GTF2A1L: variants seen among roughly 807,000 people sequenced by gnomAD.
The protein encoded by GTF2A1L is general transcription factor IIA subunit 1 like, also known as TFIIA-alpha and beta-like factor.
In GTF2A1L, 48 loss-of-function variants were observed where a neutral mutation model predicts 49.7. The ratio of observed to expected loss-of-function variants is 0.97; its 90% confidence interval spans 0.77 to 1.23. The LOEUF is 1.23. Ranked by LOEUF, GTF2A1L falls within the 50% of genes most tolerant of loss-of-function variation. The pLI, the probability that GTF2A1L is intolerant of heterozygous loss-of-function variation, is 0.00. For synonymous variants in GTF2A1L, 246 were observed against 193.5 expected, an observed-to-expected ratio of 1.27 and a Z score of -2.25; for missense variants, 736 against 564.8, an observed-to-expected ratio of 1.30 and a Z score of -3.07.
Position 48,629,667 on chromosome 2 carries a change from G to C in GTF2A1L, c.247+8377G>C, listed in dbSNP as rs897234360. 1.5e-4 allele frequency among the ~76,000 whole-genome samples: 22 copies of C among 144,274 alleles called. 5 individuals are homozygous for C. Among genetic ancestry groups the C allele is most frequent in the Non-Finnish European group, 1.6e-4 (10 of 63,990 alleles). The allele number at this position is 144,274 out of a possible 152,430, so 94.6% of individuals were successfully genotyped here. On this transcript the variant is annotated intron_variant, in intron 3 of 8. Coordinates refer to ENST00000403751, the MANE Select transcript of GTF2A1L (RefSeq NM_006872.5). ...GGGAAGGACATGAAGTCTATTTTCA[G>C]GCTAAGGGAAAAGGCTTCTGAAGTT...
At chr2:48,651,982 G>T (rs1677877164) in intron 6 of GTF2A1L, among the ~76,000 whole-genome samples, 1 of 152,134 alleles carries the variant, frequency 6.6e-6, no homozygotes, top group Admixed American at 6.5e-5. Flanking sequence ...GGCTATTTTG[G>T]TCAAATTACC....
At chr2:48,653,356 A>G (rs1677978667) in intron 6 of GTF2A1L, among the ~76,000 whole-genome samples, 1 of 152,122 alleles carries the variant, frequency 6.6e-6, no homozygotes, top group South Asian at 2.1e-4. Flanking sequence ...ATACAACCCT[A>G]CCTGAGATAG....
chr2:48,677,096 G>A (rs1294407625), intron 8 of GTF2A1L, among the ~76,000 whole-genome samples: 1 of 151,716 alleles, frequency 6.6e-6, no homozygotes, highest in African/African-American at 2.4e-5. Flanking sequence ...ATAGGCCTAT[G>A]CTACTCTGAT....
chr2:48,621,377 T>C (rs548281031), intron 3 of GTF2A1L, 87 bp downstream of exon 3: 3 of 1,578,748 alleles, frequency 1.9e-6, no homozygotes, highest in African/African-American at 2.7e-5. Flanking sequence ...CAGGGTAATG[T>C]TCTTAGGGTG....
chr2:48,646,950 C>T lies in GTF2A1L; in HGVS notation c.886C>T (p.Leu296Phe). The change falls in exon 6 of 9, where the codon CTT becomes TTT. Residue 296 changes from leucine (L) to phenylalanine (F), a missense_variant. Transcript: ENST00000403751. ...CCACCAGCACGTGACTGATATTCAG[C>T]TTCATATTCTTAAAAATAGGATGTA... The part of the protein sequence containing the change: ...ALHQHVTDIQ[L>F]HILKNRMYGC... 2 of 1,614,152 alleles carry T rather than the reference C, an allele frequency of 1.2e-6. No individual in the cohort carries two copies. Among genetic ancestry groups the T allele is most frequent in the Non-Finnish European group, 1.7e-6 (2 of 1,180,022 alleles).
intron 6 of GTF2A1L, among the ~76,000 whole-genome samples, chr2:48,660,151 G>A (rs992585301): frequency 1.3e-5 from 2 of 151,952 alleles, no homozygotes; most frequent in African/African-American, 2.4e-5. Flanking sequence ...TTTGGCCATG[G>A]TGTAGGATTC....
At position 48,679,393 on chromosome 2, in the gene GTF2A1L, G is replaced by A. The variant is rs1679646806; in HGVS notation, c.1388G>A (p.Gly463Glu). The A allele has an allele frequency of 6.2e-7, 1 of 1,612,478 alleles. No individual in the cohort carries two copies. Among genetic ancestry groups the A allele is most frequent in the Non-Finnish European group, 8.5e-7 (1 of 1,179,034 alleles). Reference sequence around the variant, plus strand: ...TTGAAAGATGGTGTTATGTGTTTTGGAGGGAGAGACTATGTATTTGCAAAA... The same window carrying A: ...TTGAAAGATGGTGTTATGTGTTTTGAAGGGAGAGACTATGTATTTGCAAAA... ...FYLKDGVMCF[G>E]GRDYVFAKAI... The change falls in exon 9 of 9, where the codon GGA becomes GAA. Residue 463 changes from glycine (G) to glutamate (E), a missense_variant. Coordinates refer to ENST00000403751, the MANE Select transcript of GTF2A1L (RefSeq NM_006872.5).
chr2:48,621,434 A>G (rs1675995462), intron 3 of GTF2A1L, 144 bp downstream of exon 3: 6 of 1,104,800 alleles, frequency 5.4e-6, no homozygotes, highest in Non-Finnish European at 7.5e-6. Context: ...AACACAGTAT[A>G]AATCATTGCC....
rs749202888 is a variant in GTF2A1L at position 48,650,898 on chromosome 2, GAT to G, written c.978+3860_978+3861del. 2.1e-3 allele frequency among the ~76,000 whole-genome samples: 318 copies of G among 152,214 alleles called. 3 individuals carry two copies. The highest frequency in any genetic ancestry group is 3.9e-3 in the Non-Finnish European group (266 of 67,990). ...ATTACAATTATAGACCACTGAATTT[GAT>G]ATAGTTTACGTTGAAAATGTGAAAA... On this transcript the variant is annotated intron_variant, in intron 6 of 8. Coordinates refer to ENST00000403751, the MANE Select transcript of GTF2A1L (RefSeq NM_006872.5).
chr2:48,634,293 G>C (rs1676763365), intron 3 of GTF2A1L, among the ~76,000 whole-genome samples: 2 of 152,056 alleles, frequency 1.3e-5, no homozygotes, highest in South Asian at 4.1e-4. Flanking sequence ...TGTATTTTTA[G>C]TAGAGACGGG....
chr2:48,665,032 G>A (rs76507892), intron 6 of GTF2A1L, among the ~76,000 whole-genome samples: 5 of 151,766 alleles, frequency 3.3e-5, no homozygotes, highest in Non-Finnish European at 4.4e-5. Flanking sequence ...CGTGATTCTC[G>A]TGCCTCAGCC....
In GTF2A1L at chr2:48,620,859, C is replaced by T; in HGVS notation, c.30C>T (p.Leu10=). 1 of 1,570,162 alleles carries T rather than the reference C, an allele frequency of 6.4e-7. No individual in the cohort carries two copies. Among genetic ancestry groups the T allele is most frequent in the South Asian group, 1.2e-5 (1 of 81,558 alleles). Residue 10 remains leucine (L), a synonymous_variant, in exon 2 of 9, where the codon CTC becomes CTT. Coordinates refer to ENST00000403751, the MANE Select transcript of GTF2A1L (RefSeq NM_006872.5). ...CAATTGCTTTTATGTAGCCTAAACT[C>T]TACAGATCTGTAATTGAAGATGTAA... MACLNPVPK[L]YRSVIEDVIE... is the part of the protein sequence containing the mutation.
intron 6 of GTF2A1L, among the ~76,000 whole-genome samples, chr2:48,659,487 A>AT (rs1317188982): frequency 3.9e-5 from 6 of 151,998 alleles, no homozygotes; most frequent in South Asian, 4.2e-4. Flanking sequence ...TTTTGGATAG[A>AT]TTTTTTTCTT....
intron 1 of GTF2A1L, among the ~76,000 whole-genome samples, 194 bp from the exon 2 acceptor site, chr2:48,620,657 A>T (rs1263396808): frequency 6.6e-6 from 1 of 152,124 alleles, no homozygotes; most frequent in Non-Finnish European, 1.5e-5. Context: ...TGCACCTGTA[A>T]TCGCACCTAC....
At chr2:48,658,091 A>G (rs1357692546) in intron 6 of GTF2A1L, among the ~76,000 whole-genome samples, 1 of 151,866 alleles carries the variant, frequency 6.6e-6, no homozygotes, top group Non-Finnish European at 1.5e-5. Context: ...GCTGTGCAGA[A>G]CCTCTTTAGT....
chr2:48,640,265 A>C (rs927390129), intron 3 of GTF2A1L, among the ~76,000 whole-genome samples: 1 of 152,258 alleles, frequency 6.6e-6, no homozygotes, highest in Admixed American at 6.5e-5. Context: ...AGCACTTTTC[A>C]CAATAGCAAA....
chr2:48,668,628 T>C (rs1400392841), intron 6 of GTF2A1L: 1 of 152,122 alleles, frequency 6.6e-6, no homozygotes, highest in African/African-American at 2.4e-5. Context: ...TCAGCAGATC[T>C]ACATCATCCT....
chr2:48,664,174 A>G (rs1040139367), intron 6 of GTF2A1L, among the ~76,000 whole-genome samples: 1 of 152,140 alleles, frequency 6.6e-6, no homozygotes, highest in Non-Finnish European at 1.5e-5. Flanking sequence ...AAAATTAAAT[A>G]AGAGTGCCAA....
intron 3 of GTF2A1L, among the ~76,000 whole-genome samples, chr2:48,634,188 C>T (rs1676750899): frequency 1.3e-5 from 2 of 152,186 alleles, no homozygotes; most frequent in South Asian, 4.1e-4. Flanking sequence ...TCTCAGCTCA[C>T]TGTAACCTTC....
Sources: allele counts gnomAD v4.1 joint callset (sites outside exome capture counted in the v4.1 genomes callset), GRCh38; gene constraint gnomAD v4.1.1; transcripts MANE v1.5; gene names NCBI Gene and HGNC (gene_info 2026-07-23, HGNC 2026-07-21).